Variants in RALGPS2 observed in about 807,000 individuals in gnomAD.
The protein encoded by RALGPS2 is Ral GEF with PH domain and SH3 binding motif 2, also known as ras-specific guanine nucleotide-releasing factor RalGPS2.
Under a neutral mutation model 86.8 loss-of-function variants are expected in RALGPS2, and 43 were observed. The observed-to-expected ratio is 0.50, with a 90% CI of 0.39 to 0.64. The LOEUF is 0.64. Among genes scored for constraint, RALGPS2 ranks in the 30% least tolerant of loss-of-function variants. The probability of loss-of-function intolerance (pLI) is 0.00; values close to 1 mark genes in which losing one functional copy is unlikely to be tolerated. For synonymous variants in RALGPS2, 243 were observed against 231.3 expected (o/e 1.05, Z -0.46); for missense variants, 536 against 694.6 (o/e 0.77, Z 2.57).
intron 1 of RALGPS2, among the ~76,000 whole-genome samples, chr1:178,759,627 A>G (rs1558106121): frequency 1.3e-5 from 2 of 149,126 alleles, no homozygotes; most frequent in African/African-American, 5.0e-5. Context: ...CATGAAGAAT[A>G]TTATTGGTAT....
intron 8 of RALGPS2, chr1:178,853,303 T>G: frequency 1.3e-6 from 1 of 796,654 alleles, no homozygotes; most frequent in Non-Finnish European, 1.5e-6. Context: ...CATATTCATC[T>G]AAAGAGCCCA....
chr1:178,901,803 GA>G (rs1248421744), intron 17 of RALGPS2, among the ~76,000 whole-genome samples: 6 of 151,426 alleles, frequency 4.0e-5, no homozygotes, highest in African/African-American at 1.5e-4. Flanking sequence ...CAGTAATTCA[GA>G]AAAAAAACAA....
chr1:178,900,149 T>C (rs1291466823), intron 17 of RALGPS2, among the ~76,000 whole-genome samples: 1 of 151,944 alleles, frequency 6.6e-6, no homozygotes, highest in African/African-American at 2.4e-5. Context: ...TCAACTTCTG[T>C]ACAGTTTGAA....
At chr1:178,916,246 C>G (rs1366307586) in intron 19 of RALGPS2, 84 bp from the exon 20 acceptor site, 2 of 1,115,988 alleles carry the variant, frequency 1.8e-6, no homozygotes, top group East Asian at 2.4e-5. Flanking sequence ...AAAGATTGGG[C>G]TTGCCTAAAT....
At chr1:178,837,343 T>G (rs1031610134) in intron 8 of RALGPS2, among the ~76,000 whole-genome samples, 4 of 152,206 alleles carry the variant, frequency 2.6e-5, no homozygotes, top group East Asian at 1.9e-4. Context: ...TCATCATGTC[T>G]TCTTCTTCCT....
At chr1:178,784,741 C>T (rs997877881) in intron 3 of RALGPS2, among the ~76,000 whole-genome samples, 1 of 151,928 alleles carries the variant, frequency 6.6e-6, no homozygotes, top group Non-Finnish European at 1.5e-5. Flanking sequence ...ATAAGTTACA[C>T]TTCAATTTGG....
chr1:178,889,727 GA>G (rs764145670), intron 14 of RALGPS2, 31 bp downstream of exon 14: 89 of 1,524,818 alleles, frequency 5.8e-5, no homozygotes, highest in Non-Finnish European at 7.5e-5. Flanking sequence ...GAACTACTTG[GA>G]GTTTATTTTG....
intron 7 of RALGPS2, among the ~76,000 whole-genome samples, chr1:178,823,091 G>A (rs577481288): frequency 6.6e-6 from 1 of 152,306 alleles, no homozygotes; most frequent in Non-Finnish European, 1.5e-5. Flanking sequence ...CAAAGTGCTG[G>A]GATTACAGGC....
At chr1:178,756,018 T>C (rs1030272142) in intron 1 of RALGPS2, among the ~76,000 whole-genome samples, 2 of 152,136 alleles carry the variant, frequency 1.3e-5, no homozygotes, top group African/African-American at 4.8e-5. Flanking sequence ...CTTTTGTCCT[T>C]TGTTTTTGCT....
intron 4 of RALGPS2, among the ~76,000 whole-genome samples, chr1:178,799,694 T>G (rs1654378293): frequency 6.6e-6 from 1 of 152,202 alleles, no homozygotes; most frequent in East Asian, 1.9e-4. Context: ...CTTTTGATTC[T>G]GAGCAATGCG....
intron 8 of RALGPS2, among the ~76,000 whole-genome samples, chr1:178,876,485 A>G (rs1251096799): frequency 6.6e-6 from 1 of 152,176 alleles, no homozygotes; most frequent in Non-Finnish European, 1.5e-5. Flanking sequence ...TCTGTGAGAA[A>G]ACTAGAGAAT....
At chr1:178,895,830 A>G (rs753939621) in intron 16 of RALGPS2, among the ~76,000 whole-genome samples, 4 of 151,992 alleles carry the variant, frequency 2.6e-5, no homozygotes, top group Non-Finnish European at 5.9e-5. Flanking sequence ...TTAAACATTC[A>G]AGTGGAGGTG....
chr1:178,901,087 T>A (rs1660154129), intron 17 of RALGPS2, among the ~76,000 whole-genome samples: 1 of 152,102 alleles, frequency 6.6e-6, no homozygotes, highest in African/African-American at 2.4e-5. Context: ...ATATTTCAAT[T>A]TCATGTTGTT....
intron 1 of RALGPS2, among the ~76,000 whole-genome samples, chr1:178,767,760 G>A (rs532628274): frequency 1.3e-5 from 2 of 152,154 alleles, no homozygotes; most frequent in African/African-American, 2.4e-5. Flanking sequence ...CCAGGAAGAC[G>A]GGAGGCTGTG....
intron 16 of RALGPS2, 144 bp downstream of exon 16, chr1:178,894,168 C>T (rs986844646): frequency 1.9e-6 from 1 of 529,152 alleles, no homozygotes; most frequent in African/African-American, 1.9e-5. Flanking sequence ...CCCTCTTATC[C>T]TTGGGTCATC....
chr1:178,781,335 G>C (rs1017539853), intron 2 of RALGPS2, among the ~76,000 whole-genome samples: 1 of 152,084 alleles, frequency 6.6e-6, no homozygotes, highest in Non-Finnish European at 1.5e-5. Flanking sequence ...ATTTCTTATA[G>C]AAGTGATAAG....
intron 1 of RALGPS2, among the ~76,000 whole-genome samples, chr1:178,735,274 A>G (rs1408475858): frequency 1.3e-5 from 2 of 152,306 alleles, no homozygotes; most frequent in Non-Finnish European, 2.9e-5. Flanking sequence ...GTCATACTCC[A>G]TGACTTCATT....
intron 1 of RALGPS2, among the ~76,000 whole-genome samples, chr1:178,767,358 C>CTTTTTTTTTTTTTTT (rs1159630163): frequency 2.6e-3 from 180 of 70,432 alleles, no homozygotes; most frequent in Non-Finnish European, 2.8e-3. Flanking sequence ...TGTCCTTTGG[C>CTTTTTTTTTTTTTTT]TTTTTTTTTT....
At chr1:178,730,706 G>GTTT (rs540414287) in intron 1 of RALGPS2, among the ~76,000 whole-genome samples, 2 of 131,302 alleles carry the variant, frequency 1.5e-5, no homozygotes, top group Admixed American at 7.6e-5. Context: ...TTTTTTTTTT[G>GTTT]TTTTTTTTTT....
Sources: gnomAD v4.1 joint callset for allele counts (sites outside exome capture counted in the v4.1 genomes callset) on GRCh38, gnomAD v4.1.1 for gene constraint, MANE v1.5 for transcripts, NCBI Gene and HGNC (gene_info 2026-07-23, HGNC 2026-07-21) for gene names.